ACRBP: variants seen among roughly 807,000 people sequenced by gnomAD.
The protein encoded by ACRBP is acrosin binding protein, also known as acrosin-binding protein.
A neutral mutation model predicts 69.0 loss-of-function variants in ACRBP; 52 were observed. The ratio of observed to expected loss-of-function variants is 0.75; its 90% CI spans 0.60 to 0.95. The LOEUF is 0.95. Among genes scored for constraint, ACRBP ranks in the 40% least tolerant of loss-of-function variants. ACRBP has a pLI of 0.00. For synonymous variants in ACRBP, 267 were observed against 258.9 expected, an observed-to-expected ratio of 1.03 and a Z score of -0.30; for missense variants, 604 against 673.0, an observed-to-expected ratio of 0.90 and a Z score of 1.13.
rs771778088 is a variant in ACRBP, at chr12:6,640,323, C to G, written c.1257+20G>C. On this transcript the variant is annotated intron_variant, in intron 7 of 9. Coordinates refer to ENST00000229243, the MANE Select transcript of ACRBP (RefSeq NM_032489.3). This position sits in a 1 kb window ranked among gnomAD's most constrained non-coding sequence, Gnocchi z 5.3. ...CCACCCAGTTCTGCCTTTCCCACTG[C>G]GGGCTGCCGGGCTAGATACCTGGTT... 6.2e-7 allele frequency: 1 copy of G among 1,613,706 alleles called. No individual in the cohort carries two copies. Among genetic ancestry groups the G allele is most frequent in the Non-Finnish European group, 8.5e-7 (1 of 1,179,866 alleles).
rs760697193 is a variant in ACRBP, at chr12:6,645,259, G to T, written c.436C>A (p.Pro146Thr). 3.1e-6 allele frequency: 5 copies of T among 1,613,738 alleles called. No individual in the cohort carries two copies. The highest frequency in any genetic ancestry group is 4.2e-6 in the Non-Finnish European group (5 of 1,179,920). ...KEIEASAEVS[P>T]TTMTSPISPH... ...GAGATGGGGGAGGTCATCGTGGTGG[G>T]TGAGACTTCAGCTGAAGCTTCTATC... is the stretch of plus-strand genomic sequence containing the variant. The change falls in exon 4 of 10, where the codon CCC (proline) becomes ACC (threonine). Residue 146 changes from proline (P) to threonine (T), a missense_variant. Pro to Thr is a conservative substitution (Grantham distance 38). Around this residue, in one of 3 missense-constraint regions of ACRBP, gnomAD observed 532 missense variants for 562.9 expected, o/e 0.95. Coordinates refer to ENST00000229243, the MANE Select transcript of ACRBP (RefSeq NM_032489.3).
intron 3 of ACRBP, among the ~76,000 whole-genome samples, chr12:6,646,263 T>C (rs549976393): frequency 6.6e-5 from 10 of 152,148 alleles, no homozygotes; most frequent in South Asian, 2.1e-4. Flanking sequence ...TGAGCCACCA[T>C]GCCCAGTCTC....
chr12:6,646,703 T>C (rs1949092326), intron 2 of ACRBP, 91 bp downstream of exon 2: 4 of 1,545,800 alleles, frequency 2.6e-6, no homozygotes, highest in Non-Finnish European at 3.6e-6. Context: ...AGCCATGCCC[T>C]TCCCCGCCTC....
intron 9 of ACRBP, 184 bp from the exon 10 acceptor site, chr12:6,638,588 C>G: frequency 8.3e-7 from 1 of 1,206,610 alleles, no homozygotes; most frequent in Non-Finnish European, 1.1e-6. Context: ...GCAGCCCAAC[C>G]CCTTTCATGC....
rs774722382 is a variant in ACRBP at position 6,644,621 on chromosome 12, G to C, written c.476-16C>G. ...CGTTCTGTCACTACAGCAGGGTTTAGAGAGAAGGGAGAGAGACAGTCAGGC... is the reference window on the plus strand; with the variant it reads ...CGTTCTGTCACTACAGCAGGGTTTACAGAGAAGGGAGAGAGACAGTCAGGC... On this transcript the variant is annotated splice_polypyrimidine_tract_variant and intron_variant, in intron 4 of 9. Transcript: ENST00000229243. 6.3e-7 allele frequency: 1 copy of C among 1,588,100 alleles called. No individual in the cohort carries two copies. Among genetic ancestry groups the C allele is most frequent in the Non-Finnish European group, 8.6e-7 (1 of 1,168,184 alleles).
Position 6,638,180 on chromosome 12 carries a change from C to T in ACRBP, c.*102G>A, listed in dbSNP as rs929388448. 1.1e-4 allele frequency: 173 copies of T among 1,516,590 alleles called. 1 individual carries two copies. In the African/African-American group the frequency reaches 2.0e-3, roughly 17 times the overall value. The allele number at this position is 1,516,590 out of a possible 1,614,324, so 93.9% of individuals were successfully genotyped here. ...AACCCAAGGAAATGTGAGTAGGGGC[C>T]GAGTAACAGACCCAGAAGGGGCAGC... On this transcript the variant is annotated 3_prime_UTR_variant, in exon 10 of 10. Transcript: ENST00000229243.
intron 5 of ACRBP, chr12:6,643,912 C>T (rs1949070327): frequency 9.5e-7 from 1 of 1,048,776 alleles, no homozygotes; most frequent in Non-Finnish European, 1.3e-6. Context: ...AAGACCAGAA[C>T]CCAAGTCTGG....
rs1050516868 is a variant in ACRBP at position 6,647,010 on chromosome 12, G to C, written c.46C>G (p.Leu16Val). The change falls in exon 2 of 10, where the codon CTG (leucine) becomes GTG (valine). Residue 16 changes from leucine to valine, a missense_variant and splice_region_variant. By Grantham distance (32) the Leu-to-Val change is conservative. Transcript: ENST00000229243. The stretch of plus-strand genomic sequence containing the variant: ...GCGGCAGGTGCCAGAGGCAGGAGCA[G>C]CACTGCGGAGCGGGCGAACGGATGA... Reference protein sequence around the residue: ...AGFLPSLLKVLLLPLAPAAAQ... With the variant: ...AGFLPSLLKVVLLPLAPAAAQ... The C allele has an allele frequency of 6.2e-7, 1 of 1,608,384 alleles. No homozygotes were observed. Among genetic ancestry groups the C allele is most frequent in the Non-Finnish European group, 8.5e-7 (1 of 1,179,758 alleles).
Position 6,638,283 on chromosome 12 carries a change from C to T in ACRBP, c.1631G>A (p.Ter544=). The T allele has an allele frequency of 6.2e-7, 1 of 1,614,092 alleles. No individual in the cohort carries two copies. Among genetic ancestry groups the T allele is most frequent in the Non-Finnish European group, 8.5e-7 (1 of 1,179,974 alleles). ...GGTGTGGGCAGAATAGACGCCAGCT[C>T]ATCCGAACTGGCCTAGAGTCAAGGT... ...FSTLTLGQFG[*] is the part of the protein sequence containing the mutation. The change falls in exon 10 of 10, where the codon TGA becomes TAA. Residue 544 remains the stop codon, a stop_retained_variant. Transcript: ENST00000229243.
At chr12:6,644,704 A>G (rs1949076062) in intron 4 of ACRBP, 99 bp from the exon 5 acceptor site, 1 of 1,487,678 alleles carries the variant, frequency 6.7e-7, no homozygotes, top group Non-Finnish European at 8.9e-7. Context: ...AAAGCAGACC[A>G]AGTCACACTT....
At position 6,647,007 on chromosome 12, in the gene ACRBP, G is replaced by A. The variant is rs753124284; in HGVS notation, c.49C>T (p.Leu17Phe). Residue 17 changes from leucine to phenylalanine, a missense_variant, in exon 2 of 10, where the codon CTC becomes TTC. By Grantham distance (22) the Leu-to-Phe change is conservative (BLOSUM62 0). Transcript: ENST00000229243. ...GFLPSLLKVLLLPLAPAAAQD... is the reference protein window; with the variant it reads ...GFLPSLLKVLFLPLAPAAAQD... ...GCTGCGGCAGGTGCCAGAGGCAGGA[G>A]CAGCACTGCGGAGCGGGCGAACGGA... 1.2e-6 allele frequency: 2 copies of A among 1,609,148 alleles called. No homozygotes were observed. Among genetic ancestry groups the A allele is most frequent in the South Asian group, 1.1e-5 (1 of 91,056 alleles).
rs537328321 is a variant in ACRBP at position 6,646,926 on chromosome 12, C to G, written c.130G>C (p.Glu44Gln). Reference protein sequence around the residue: ...PGSPLSPTEYERFFALLTPTW... With the variant: ...PGSPLSPTEYQRFFALLTPTW... ...GGAGTCAGCAGTGCGAAGAAGCGTT[C>G]GTATTCGGTAGGAGAGAGAGGGCTG... The change falls in exon 2 of 10, where the codon GAA becomes CAA. Residue 44 changes from glutamate (E) to glutamine (Q), a missense_variant. Around this residue, in one of 3 missense-constraint regions of ACRBP, gnomAD observed 532 missense variants for 562.9 expected, o/e 0.95. Transcript: ENST00000229243. 8 of 1,613,972 alleles carry G rather than the reference C, an allele frequency of 5.0e-6. No individual in the cohort carries two copies. In the Admixed American group the frequency reaches 1.3e-4, roughly 27 times the overall value.
chr12:6,638,280 G>A lies in ACRBP; in HGVS notation c.*2C>T, dbSNP rs770039654. On this transcript the variant is annotated 3_prime_UTR_variant, in exon 10 of 10. Coordinates refer to ENST00000229243, the MANE Select transcript of ACRBP (RefSeq NM_032489.3). ...TGGGGTGTGGGCAGAATAGACGCCA[G>A]CTCATCCGAACTGGCCTAGAGTCAA... 8.7e-6 allele frequency: 14 copies of A among 1,613,902 alleles called. No individual in the cohort carries two copies. In the African/African-American group the frequency reaches 1.5e-4, roughly 17 times the overall value.
In ACRBP at chr12:6,640,399, T is replaced by C; in HGVS notation, c.1201A>G (p.Lys401Glu). Residue 401 changes from lysine (K) to glutamate (E), a missense_variant, in exon 7 of 10, where the codon AAG becomes GAG. This residue lies in a region of ACRBP where 532 missense variants were observed against 562.9 expected (regional missense o/e 0.95). Transcript: ENST00000229243. The surrounding 1 kb of genome is among the most constrained non-coding windows in gnomAD (Gnocchi z 5.3). ...AGCAAGGGGCTGACAAAGGGAGTCTTGTGGGAGGTGTCGCATTGTTGCCGC... is the reference window on the plus strand; with the variant it reads ...AGCAAGGGGCTGACAAAGGGAGTCTCGTGGGAGGTGTCGCATTGTTGCCGC... ...LQRQQCDTSHKTPFVSPLLAS... is the reference protein window; with the variant it reads ...LQRQQCDTSHETPFVSPLLAS... 1.2e-6 allele frequency: 2 copies of C among 1,614,114 alleles called. No individual in the cohort carries two copies. Among genetic ancestry groups the C allele is most frequent in the Non-Finnish European group, 1.7e-6 (2 of 1,180,020 alleles).
chr12:6,640,430 G>C lies in ACRBP; in HGVS notation c.1170C>G (p.Ser390Arg). Residue 390 changes from serine (S) to arginine (R), a missense_variant, in exon 7 of 10, where the codon AGC becomes AGG. Around this residue, in one of 3 missense-constraint regions of ACRBP, gnomAD observed 532 missense variants for 562.9 expected, o/e 0.95. Coordinates refer to ENST00000229243, the MANE Select transcript of ACRBP (RefSeq NM_032489.3). This position sits in a 1 kb window ranked among gnomAD's most constrained non-coding sequence, Gnocchi z 5.3. ...AGGTGTCGCATTGTTGCCGCTGCAG[G>C]CTGGCCTCTGAGTGGCACTGCTCCA... ...LKLEQCHSEASLQRQQCDTSH... is the reference protein window; with the variant it reads ...LKLEQCHSEARLQRQQCDTSH... 1.2e-6 allele frequency: 2 copies of C among 1,614,194 alleles called. No individual in the cohort carries two copies. The highest frequency in any genetic ancestry group is 1.7e-5 in the Admixed American group (1 of 60,020).
At position 6,640,094 on chromosome 12, in the gene ACRBP, A is replaced by C. The variant is rs1177651687; in HGVS notation, c.1391T>G (p.Phe464Cys). The C allele has an allele frequency of 6.2e-7, 1 of 1,614,120 alleles. No individual in the cohort carries two copies. Among genetic ancestry groups the C allele is most frequent in the South Asian group, 1.1e-5 (1 of 91,078 alleles). Residue 464 changes from phenylalanine to cysteine, a missense_variant, in exon 8 of 10, where the codon TTC becomes TGC. Physicochemically the swap from Phe to Cys is radical, Grantham distance 205 (BLOSUM62 -2). Coordinates refer to ENST00000229243, the MANE Select transcript of ACRBP (RefSeq NM_032489.3). The surrounding 1 kb of genome is among the most constrained non-coding windows in gnomAD (Gnocchi z 5.3). ...GAAATCCCCATCCTGGAAGCTAAGG[A>C]ACTCAGTCTGGAGCCACCCAGAGAC... Reference protein sequence around the residue: ...VRVSGWLQTEFLSFQDGDFPT... With the variant: ...VRVSGWLQTECLSFQDGDFPT...
Position 6,644,485 on chromosome 12 carries a change from T to A in ACRBP, c.596A>T (p.Gln199Leu), listed in dbSNP as rs762024158. ...QEQAPEHKQE[Q>L]GVEHRQEPTQ... ...CGGCTCCTGCCTGTGCTCCACTCCTTGCTCCTGCTTGTGCTCTGGCGCTTG... is the reference window on the plus strand; with the variant it reads ...CGGCTCCTGCCTGTGCTCCACTCCTAGCTCCTGCTTGTGCTCTGGCGCTTG... The change falls in exon 5 of 10, where the codon CAA (glutamine) becomes CTA (leucine). Residue 199 changes from glutamine to leucine, a missense_variant. Coordinates refer to ENST00000229243, the MANE Select transcript of ACRBP (RefSeq NM_032489.3). 2 of 1,613,928 alleles carry A rather than the reference T, an allele frequency of 1.2e-6. No homozygotes were observed. The highest frequency in any genetic ancestry group is 2.7e-5 in the African/African-American group (2 of 74,870).
chr12:6,640,417 G>C lies in ACRBP; in HGVS notation c.1183C>G (p.Gln395Glu). Residue 395 changes from glutamine to glutamate, a missense_variant, in exon 7 of 10, where the codon CAA becomes GAA. Gln to Glu is a conservative substitution (Grantham distance 29). Coordinates refer to ENST00000229243, the MANE Select transcript of ACRBP (RefSeq NM_032489.3). This position sits in a 1 kb window ranked among gnomAD's most constrained non-coding sequence, Gnocchi z 5.3. ...CHSEASLQRQ[Q>E]CDTSHKTPFV... ...GGAGTCTTGTGGGAGGTGTCGCATT[G>C]TTGCCGCTGCAGGCTGGCCTCTGAG... 1.9e-6 allele frequency: 3 copies of C among 1,614,212 alleles called. No homozygotes were observed. Among genetic ancestry groups the C allele is most frequent in the Non-Finnish European group, 2.5e-6 (3 of 1,180,036 alleles).
rs553167752 is a variant in ACRBP at position 6,640,206 on chromosome 12, G to A, written c.1279C>T (p.Arg427Cys). 1.8e-5 allele frequency: 29 copies of A among 1,614,168 alleles called. No individual in the cohort carries two copies. Among genetic ancestry groups the A allele is most frequent in the Middle Eastern group, 1.6e-4 (1 of 6,062 alleles). The change falls in exon 8 of 10, where the codon CGC becomes TGC. Residue 427 changes from arginine to cysteine, a missense_variant. Arg to Cys is a radical substitution (Grantham distance 180). Around this residue, in one of 3 missense-constraint regions of ACRBP, gnomAD observed 532 missense variants for 562.9 expected, o/e 0.95. Coordinates refer to ENST00000229243, the MANE Select transcript of ACRBP (RefSeq NM_032489.3). This position sits in a 1 kb window ranked among gnomAD's most constrained non-coding sequence, Gnocchi z 5.3. ...CCGTACAAATCCAGCCCGTAAAAGCGGCCTGATTCTGGGGACCCTACCTGT... is the reference window on the plus strand; with the variant it reads ...CCGTACAAATCCAGCCCGTAAAAGCAGCCTGATTCTGGGGACCCTACCTGT... Reference protein sequence around the residue: ...GNQVGSPESGRFYGLDLYGGL... With the variant: ...GNQVGSPESGCFYGLDLYGGL...
Sources: gnomAD v4.1 joint callset for allele counts (sites outside exome capture counted in the v4.1 genomes callset) on GRCh38, gnomAD v4.1.1 for gene constraint, gnomAD v4.1.1 regional missense constraint, Gnocchi (gnomAD v3.1) non-coding constraint, MANE v1.5 for transcripts, NCBI Gene and HGNC (gene_info 2026-07-23, HGNC 2026-07-21) for gene names.